The following NKX6-3 variants were observed in gnomAD, a reference collection of about 807,000 sequenced individuals.
NKX6-3 encodes the protein homeobox protein Nkx-6.3.
Under a neutral mutation model 22.0 loss-of-function variants are expected in NKX6-3, and 17 were observed. The ratio of observed to expected loss-of-function variants is 0.77; its 90% CI spans 0.53 to 1.16. The LOEUF is 1.16. NKX6-3 is among the 50% of genes most tolerant of loss of function. NKX6-3 has a pLI of 0.00. For synonymous variants in NKX6-3, 177 were observed against 167.2 expected, an observed-to-expected ratio of 1.06 and a Z score of -0.45; for missense variants, 363 against 359.0, an observed-to-expected ratio of 1.01 and a Z score of -0.09.
At position 41,648,097 on chromosome 8, in the gene NKX6-3, T is replaced by G. The variant is rs1297041938; in HGVS notation, c.521A>C (p.Tyr174Ser). ...LAGPERARLA[Y>S]SLGMTESQVK... ...CTGCGACTCGGTCATGCCCAGTGAG[T>G]ATGCCAGCCGTGCCCTCTCGGGGCC... Residue 174 changes from tyrosine (Y) to serine (S), a missense_variant, in exon 2 of 3, where the codon TAC becomes TCC. Tyr to Ser is a moderately radical substitution (Grantham distance 144). Coordinates refer to ENST00000518699, the MANE Select transcript of NKX6-3 (RefSeq NM_001364841.2). 12 of 1,536,000 alleles carry G rather than the reference T, an allele frequency of 7.8e-6. No homozygotes were observed. The highest frequency in any genetic ancestry group is 1.7e-4 in the Middle Eastern group (1 of 6,010).
chr8:41,646,567 T>C lies in NKX6-3; in HGVS notation c.680A>G (p.Glu227Gly). The change falls in exon 3 of 3, where the codon GAG becomes GGG. Residue 227 changes from glutamate (E) to glycine (G), a missense_variant. By Grantham distance (98) the Glu-to-Gly change is moderately conservative (BLOSUM62 -2). Around this residue, in one of 3 missense-constraint regions of NKX6-3, gnomAD observed 169 missense variants for 155.8 expected, o/e 1.08. Transcript: ENST00000518699. ...AGGDRAPSENEDDEYNKPLDP... is the reference protein window; with the variant it reads ...AGGDRAPSENGDDEYNKPLDP... ...CAGCGGCTTGTTGTACTCGTCGTCC[T>C]CGTTCTCCGAGGGTGCGCGGTCCCC... 1 of 1,603,932 alleles carries C rather than the reference T, an allele frequency of 6.2e-7. No homozygotes were observed. The highest frequency in any genetic ancestry group is 1.7e-5 in the Admixed American group (1 of 58,702).
intron 1 of NKX6-3, among the ~76,000 whole-genome samples, chr8:41,649,500 C>T (rs1477833876): frequency 6.6e-6 from 1 of 152,204 alleles, no homozygotes; most frequent in Non-Finnish European, 1.5e-5. Context: ...TGAGAAGAGG[C>T]CCCCTGCTTC....
At chr8:41,650,020 T>C in intron 1 of NKX6-3, 91 bp downstream of exon 1, 3 of 1,365,648 alleles carry the variant, frequency 2.2e-6, no homozygotes, top group Non-Finnish European at 2.9e-6. Context: ...AGGGCGGAGG[T>C]GCAGGGTGCC....
chr8:41,646,639 G>A lies in NKX6-3; in HGVS notation c.608C>T (p.Ser203Leu). 1 of 1,551,560 alleles carries A rather than the reference G, an allele frequency of 6.4e-7. No homozygotes were observed. The highest frequency in any genetic ancestry group is 8.7e-7 in the Non-Finnish European group (1 of 1,148,592). ...GCCCGGGGCCCGGGGCGTGGAGGAC[G>A]AGGGCTCCAGGGCGCTCTTCTTCCG... The part of the protein sequence containing the change: ...KWRKKSALEP[S>L]SSTPRAPGGA... The change falls in exon 3 of 3, where the codon TCG becomes TTG. Residue 203 changes from serine to leucine, a missense_variant. Physicochemically the swap from Ser to Leu is moderately radical, Grantham distance 145. Around this residue, in one of 3 missense-constraint regions of NKX6-3, gnomAD observed 169 missense variants for 155.8 expected, o/e 1.08. Coordinates refer to ENST00000518699, the MANE Select transcript of NKX6-3 (RefSeq NM_001364841.2).
intron 1 of NKX6-3, among the ~76,000 whole-genome samples, chr8:41,648,828 G>C (rs1286015692): frequency 6.6e-6 from 1 of 152,248 alleles, no homozygotes; most frequent in Non-Finnish European, 1.5e-5. Flanking sequence ...AGGGCAGCAG[G>C]CTCGGGAAGG....
intron 2 of NKX6-3, among the ~76,000 whole-genome samples, 172 bp from the exon 3 acceptor site, chr8:41,646,866 C>A (rs1467258276): frequency 1.6e-5 from 2 of 124,840 alleles, no homozygotes; most frequent in Non-Finnish European, 3.4e-5. Flanking sequence ...GGCAGCCCTC[C>A]CCTCCGCCCC....
Position 41,647,365 on chromosome 8 carries a change from C to T in NKX6-3, c.553-671G>A, listed in dbSNP as rs73674902. 7.8e-6 allele frequency: 12 copies of T among 1,546,916 alleles called. No individual in the cohort carries two copies. In the East Asian group the frequency reaches 9.6e-5, roughly 12 times the overall value. On this transcript the variant is annotated intron_variant, in intron 2 of 2. Transcript: ENST00000518699. ...GCTGCCCCTGCTGCATCCTTAGGCC[C>T]GTCGCCGAGTCACTGAGCCAGCATC...
chr8:41,646,429 C>T lies in NKX6-3; in HGVS notation c.*20G>A. On this transcript the variant is annotated 3_prime_UTR_variant, in exon 3 of 3. Transcript: ENST00000518699. ...CCCCCCGCAGGCTGCAGCCAGGATC[C>T]CGGGCCTGGACGGCGGGCGTCAGAC... The T allele has an allele frequency of 6.3e-7, 1 of 1,577,826 alleles. No homozygotes were observed. Among genetic ancestry groups the T allele is most frequent in the Non-Finnish European group, 8.6e-7 (1 of 1,166,010 alleles).
Position 41,648,178 on chromosome 8 carries a change from G to A in NKX6-3, c.440C>T (p.Thr147Met), listed in dbSNP as rs762472244. Residue 147 changes from threonine to methionine, a missense_variant, in exon 2 of 3, where the codon ACG becomes ATG. Transcript: ENST00000518699. ...HKKKHTRPTF[T>M]GHQIFALEKT... The stretch of plus-strand genomic sequence containing the variant: ...CTCCAGGGCAAAGATCTGGTGCCCC[G>A]TGAAGGTGGGCCGGGTGTGCTTCTT... 41 of 1,538,352 alleles carry A rather than the reference G, an allele frequency of 2.7e-5. No homozygotes were observed. The highest frequency in any genetic ancestry group is 3.9e-5 in the Admixed American group (2 of 50,974).
chr8:41,646,324 G>GC lies in NKX6-3; in HGVS notation c.*124dup. On this transcript the variant is annotated 3_prime_UTR_variant, in exon 3 of 3. Transcript: ENST00000518699. The stretch of plus-strand genomic sequence containing the variant: ...TGCACCTGCTGCTCCTCCTCCACGC[G>GC]CCCCTCATCCAAAGAAAGACTCAGT... 8.2e-7 allele frequency: 1 copy of GC among 1,224,008 alleles called. No individual in the cohort carries two copies. The highest frequency in any genetic ancestry group is 1.4e-5 in the South Asian group (1 of 71,236). The allele number at this position is 1,224,008 out of a possible 1,614,324, so 75.8% of individuals were successfully genotyped here. A position where few individuals can be genotyped will look rare whatever the true frequency, so the allele number is the denominator to read the frequency against.
intron 1 of NKX6-3, 43 bp downstream of exon 1, chr8:41,650,068 C>A (rs1445378823): frequency 6.7e-7 from 1 of 1,500,816 alleles, no homozygotes; most frequent in Admixed American, 2.1e-5. Flanking sequence ...CCCCCCGGGG[C>A]CTGGCGGGTG....
intron 1 of NKX6-3, among the ~76,000 whole-genome samples, chr8:41,649,042 G>C (rs1804263954): frequency 6.6e-6 from 1 of 152,208 alleles, no homozygotes; most frequent in Non-Finnish European, 1.5e-5. Context: ...CTGAAGAGGT[G>C]GTGTGTGGGA....
In NKX6-3 at chr8:41,650,210, C is replaced by T. The variant is rs960077376; in HGVS notation, c.283G>A (p.Gly95Arg). The change falls in exon 1 of 3, where the codon GGG becomes AGG. Residue 95 changes from glycine (G) to arginine (R), a missense_variant. This residue lies in a region of NKX6-3 where 175 missense variants were observed against 160.9 expected (regional missense o/e 1.09). Transcript: ENST00000518699. ...TCGTTCCCAGCCTTGGAAAAATTCC[C>T]TACCTGGGGGCTGTAGTAGACCCCC... ...SQGVYYSPQV[G>R]NFSKAGNEYP... The T allele has an allele frequency of 6.5e-7, 1 of 1,534,444 alleles. No individual in the cohort carries two copies. Among genetic ancestry groups the T allele is most frequent in the Non-Finnish European group, 8.7e-7 (1 of 1,146,110 alleles).
rs886801762 is a variant in NKX6-3 at position 41,646,034 on chromosome 8, T to TC, written c.*414dup. ...TCCCTCCCTGGGAAGTCCTGCCCAC[T>TC]CCCCCCGCCCCAACAGCTGGATCAC... On this transcript the variant is annotated 3_prime_UTR_variant, in exon 3 of 3. Coordinates refer to ENST00000518699, the MANE Select transcript of NKX6-3 (RefSeq NM_001364841.2). 1.9e-5 allele frequency: 4 copies of TC among 212,872 alleles called. No homozygotes were observed. Among genetic ancestry groups the TC allele is most frequent in the African/African-American group, 4.8e-5 (2 of 41,956 alleles). The allele number at this position is 212,872 out of a possible 1,614,324, so 13.2% of individuals were successfully genotyped here.
At chr8:41,647,131 T>G in intron 2 of NKX6-3, 3 of 1,546,288 alleles carry the variant, frequency 1.9e-6, no homozygotes, top group Non-Finnish European at 2.7e-6. Context: ...ATTGTTCCCC[T>G]AGTTAGTTAG....
Position 41,650,433 on chromosome 8 carries a change from C to G in NKX6-3, c.60G>C (p.Pro20=). Residue 20 remains proline, a synonymous_variant, in exon 1 of 3, where the codon CCG becomes CCC. Coordinates refer to ENST00000518699, the MANE Select transcript of NKX6-3 (RefSeq NM_001364841.2). ...ACTGGCACACCGGGGCCTTCATCTCCGGAAACTGAGCCAGCGGCGTGTTGT... is the reference window on the plus strand; with the variant it reads ...ACTGGCACACCGGGGCCTTCATCTCGGGAAACTGAGCCAGCGGCGTGTTGT... ...LLNNTPLAQF[P]EMKAPVCQYS... is the part of the protein sequence containing the mutation. The G allele has an allele frequency of 6.5e-7, 1 of 1,535,758 alleles. No individual in the cohort carries two copies. The highest frequency in any genetic ancestry group is 8.7e-7 in the Non-Finnish European group (1 of 1,146,776).
In NKX6-3 at chr8:41,646,134, G is replaced by C; in HGVS notation, c.*315C>G. On this transcript the variant is annotated 3_prime_UTR_variant, in exon 3 of 3. Transcript: ENST00000518699. ...TCATTTTAGTCCTCTGTCCACTTGT[G>C]AATCTGCAGAACTGGCAGGCGAGGC... 2.1e-6 allele frequency: 1 copy of C among 481,502 alleles called. No individual in the cohort carries two copies. The highest frequency in any genetic ancestry group is 3.7e-6 in the Non-Finnish European group (1 of 271,918). The allele number at this position is 481,502 out of a possible 1,614,324, so 29.8% of individuals were successfully genotyped here.
chr8:41,646,320 AC>A lies in NKX6-3; in HGVS notation c.*128del. 2 of 1,215,514 alleles carry A rather than the reference AC, an allele frequency of 1.6e-6. No individual in the cohort carries two copies. Among genetic ancestry groups the A allele is most frequent in the Non-Finnish European group, 2.2e-6 (2 of 906,930 alleles). The allele number at this position is 1,215,514 out of a possible 1,614,324, so 75.3% of individuals were successfully genotyped here. A position where few individuals can be genotyped will look rare whatever the true frequency, so the allele number is the denominator to read the frequency against. On this transcript the variant is annotated 3_prime_UTR_variant, in exon 3 of 3. Transcript: ENST00000518699. ...CCCCTGCACCTGCTGCTCCTCCTCC[AC>A]GCGCCCCTCATCCAAAGAAAGACTC...
chr8:41,647,246 C>T (rs766878797), intron 2 of NKX6-3: 3 of 1,611,444 alleles, frequency 1.9e-6, no homozygotes, highest in Non-Finnish European at 2.5e-6. Flanking sequence ...CCAGCTCTCG[C>T]CCCAGGGCAG....
Sources: allele counts gnomAD v4.1 joint callset (sites outside exome capture counted in the v4.1 genomes callset), GRCh38; gene constraint gnomAD v4.1.1; regional missense constraint gnomAD v4.1.1; transcripts MANE v1.5; gene names NCBI Gene and HGNC (gene_info 2026-07-23, HGNC 2026-07-21).